Variants in NSUN2 observed in about 807,000 individuals in gnomAD.
NSUN2 encodes NOP2/Sun RNA methyltransferase 2, also known as RNA cytosine C(5)-methyltransferase NSUN2.
A neutral mutation model predicts 92.7 loss-of-function variants in NSUN2; 63 were observed. The ratio of observed to expected loss-of-function variants is 0.68; its 90% CI spans 0.56 to 0.84. The LOEUF is 0.84. Among genes scored for constraint, NSUN2 ranks in the 40% least tolerant of loss-of-function variants. The pLI is 0.00. For synonymous variants in NSUN2, 356 were observed against 348.3 expected, an observed-to-expected ratio of 1.02 and a Z score of -0.25; for missense variants, 989 against 964.9, an observed-to-expected ratio of 1.02 and a Z score of -0.33.
intron 6 of NSUN2, chr5:6,620,504 G>C: frequency 2.4e-6 from 1 of 409,630 alleles, no homozygotes; most frequent in Non-Finnish European, 4.3e-6. Context: ...CTCGAATTTT[G>C]AAAGCCTCAA....
chr5:6,604,116 C>G, intron 17 of NSUN2, 22 bp downstream of exon 17: 1 of 1,606,834 alleles, frequency 6.2e-7, no homozygotes, highest in Non-Finnish European at 8.5e-7. Flanking sequence ...AGTTATGTCT[C>G]TATGCATTTC....
intron 2 of NSUN2, 70 bp downstream of exon 2, chr5:6,632,529 A>G: frequency 1.3e-6 from 2 of 1,551,382 alleles, no homozygotes; most frequent in South Asian, 2.3e-5. Flanking sequence ...CTTGTCGAAG[A>G]AAACACCGTC....
intron 10 of NSUN2, 24 bp from the exon 11 acceptor site, chr5:6,611,109 C>T: frequency 6.2e-7 from 1 of 1,613,998 alleles, no homozygotes; most frequent in Non-Finnish European, 8.5e-7. Context: ...GGGTACATTC[C>T]AGATTACTAG....
Position 6,633,014 on chromosome 5 carries a change from C to G in NSUN2, c.-35G>C. ...GGCCGCGCACGCAGCACGCAGAAAC[C>G]GGCCCGCCACGGCCAGAACTCTAGC... On this transcript the variant is annotated 5_prime_UTR_variant, in exon 1 of 19. Coordinates refer to ENST00000264670, the MANE Select transcript of NSUN2 (RefSeq NM_017755.6). The G allele has an allele frequency of 7.1e-7, 1 of 1,412,648 alleles. No individual in the cohort carries two copies. The highest frequency in any genetic ancestry group is 1.5e-5 in the South Asian group (1 of 65,172). 87.5% of individuals were successfully genotyped at this position (1,412,648 alleles called of 1,614,324 possible).
intron 3 of NSUN2, among the ~76,000 whole-genome samples, chr5:6,626,756 G>A (rs1287630306): frequency 6.6e-6 from 1 of 152,152 alleles, no homozygotes; most frequent in Non-Finnish European, 1.5e-5. Context: ...CAAACCAAGT[G>A]TACCACGTCA....
chr5:6,610,055 G>C (rs530437878), intron 11 of NSUN2, 133 bp from the exon 12 acceptor site: 65 of 550,616 alleles, frequency 1.2e-4, no homozygotes, highest in Non-Finnish European at 1.8e-4. Context: ...TGGCCAATAT[G>C]TAAACTTAAA....
At position 6,604,230 on chromosome 5, in the gene NSUN2, A is replaced by G. The variant is rs377181118; in HGVS notation, c.1865T>C (p.Val622Ala). The change falls in exon 17 of 19, where the codon GTA (valine) becomes GCA (alanine). Residue 622 changes from valine (V) to alanine (A), a missense_variant. By Grantham distance (64) the Val-to-Ala change is moderately conservative. Transcript: ENST00000264670. ...YPFINSRIIT[V>A]SMEDVKILLT... ...CAGTATCTTAACATCTTCCATTGAT[A>G]CAGTAATAATTCTTGAGTTAATAAA... is the stretch of plus-strand genomic sequence containing the variant. 7 of 1,606,584 alleles carry G rather than the reference A, an allele frequency of 4.4e-6. No homozygotes were observed. Among genetic ancestry groups the G allele is most frequent in the Non-Finnish European group, 5.1e-6 (6 of 1,173,272 alleles).
At position 6,623,317 on chromosome 5, in the gene NSUN2, AG is replaced by A. The variant is rs753854759; in HGVS notation, c.466-33del. 1.4e-5 allele frequency: 20 copies of A among 1,425,312 alleles called. No individual in the cohort carries two copies. In the African/African-American group the frequency reaches 4.4e-4, roughly 31 times the overall value. 88.3% of individuals were successfully genotyped at this position (1,425,312 alleles called of 1,614,324 possible). A position where few individuals can be genotyped will look rare whatever the true frequency, so the allele number is the denominator to read the frequency against. On this transcript the variant is annotated intron_variant, in intron 4 of 18. Coordinates refer to ENST00000264670, the MANE Select transcript of NSUN2 (RefSeq NM_017755.6). Reference sequence around the variant, plus strand: ...GAAAAAAAAAAAATCAGCAACAATTAGGAAAAAAAAAAAAACCGCAGACAAT... The same window carrying A: ...GAAAAAAAAAAAATCAGCAACAATTAGAAAAAAAAAAAAACCGCAGACAAT...
intron 4 of NSUN2, among the ~76,000 whole-genome samples, chr5:6,624,987 T>C (rs1164493290): frequency 1.3e-5 from 2 of 152,050 alleles, no homozygotes; most frequent in African/African-American, 2.4e-5. Flanking sequence ...ACTCAAGGAA[T>C]GTGGGTGGCT....
chr5:6,630,614 T>C (rs1007020833), intron 3 of NSUN2, among the ~76,000 whole-genome samples: 2 of 152,222 alleles, frequency 1.3e-5, no homozygotes, highest in African/African-American at 4.8e-5. Flanking sequence ...CAGCATTCAT[T>C]GTGAATGTAT....
chr5:6,617,271 G>A (rs1332607175), intron 8 of NSUN2, among the ~76,000 whole-genome samples: 2 of 152,122 alleles, frequency 1.3e-5, no homozygotes, highest in East Asian at 3.9e-4. Context: ...ATTTTATGGA[G>A]ACGAGGCCTC....
intron 9 of NSUN2, among the ~76,000 whole-genome samples, chr5:6,614,767 T>G (rs559189422): frequency 1.3e-5 from 2 of 152,086 alleles, no homozygotes; most frequent in South Asian, 2.1e-4. Flanking sequence ...GGGACAATTT[T>G]GCGGTAATGA....
chr5:6,615,369 C>A (rs561730565), intron 9 of NSUN2, among the ~76,000 whole-genome samples: 1 of 152,308 alleles, frequency 6.6e-6, no homozygotes, highest in South Asian at 2.1e-4. Context: ...ACACAAAAAT[C>A]TGAGCAGGAT....
intron 12 of NSUN2, among the ~76,000 whole-genome samples, chr5:6,607,672 G>A (rs997464204): frequency 3.0e-4 from 45 of 152,180 alleles, no homozygotes; most frequent in South Asian, 6.2e-4. Context: ...GCTTGTTCTC[G>A]TGTAAAAATG....
chr5:6,632,052 C>A, intron 2 of NSUN2, 75 bp from the exon 3 acceptor site: 1 of 1,226,306 alleles, frequency 8.2e-7, no homozygotes, highest in Non-Finnish European at 1.2e-6. Context: ...AAATTTAAGA[C>A]TGCAAGTGTT....
Position 6,611,738 on chromosome 5 carries a change from A to T in NSUN2, c.1082T>A (p.Ile361Asn), listed in dbSNP as rs1560976164. ...ELPGLKWMPG[I>N]TQWKVMTKDG... ...AGGAAAGGTTACCTTCCACTGTGTG[A>T]TTCCAGGCATCCACTTCAGCCCTGG... Residue 361 changes from isoleucine (I) to asparagine (N), a missense_variant, in exon 10 of 19, where the codon ATC becomes AAC. Around this residue, in one of 3 missense-constraint regions of NSUN2, gnomAD observed 626 missense variants for 602.3 expected, o/e 1.04. Coordinates refer to ENST00000264670, the MANE Select transcript of NSUN2 (RefSeq NM_017755.6). 1 of 1,614,130 alleles carries T rather than the reference A, an allele frequency of 6.2e-7. No individual in the cohort carries two copies.
At chr5:6,605,042 G>C in intron 15 of NSUN2, 1 of 621,932 alleles carries the variant, frequency 1.6e-6, no homozygotes, top group South Asian at 2.0e-5. Flanking sequence ...CCCCCTGCGG[G>C]AATGGGGCAC....
At chr5:6,611,652 G>T in intron 10 of NSUN2, 73 bp downstream of exon 10, 1 of 1,231,214 alleles carries the variant, frequency 8.1e-7, no homozygotes, top group Non-Finnish European at 1.2e-6. Flanking sequence ...ACACGTGAAT[G>T]CTTTGAAACT....
intron 12 of NSUN2, 135 bp from the exon 13 acceptor site, chr5:6,607,519 G>T: frequency 2.6e-6 from 2 of 757,260 alleles, no homozygotes; most frequent in South Asian, 4.1e-5. Context: ...AAAGACAACA[G>T]AATTTTTTTA....
Sources: gnomAD v4.1 joint callset for allele counts (sites outside exome capture counted in the v4.1 genomes callset) on GRCh38, gnomAD v4.1.1 for gene constraint, gnomAD v4.1.1 regional missense constraint, MANE v1.5 for transcripts, NCBI Gene and HGNC (gene_info 2026-07-23, HGNC 2026-07-21) for gene names.